RIT2: variants seen among roughly 807,000 people sequenced by gnomAD.
RIT2 encodes GTP-binding protein Rit2.
A neutral mutation model predicts 23.7 loss-of-function variants in RIT2; 24 were observed. The ratio of observed to expected loss-of-function variants is 1.01; its 90% CI spans 0.73 to 1.43. The LOEUF (loss-of-function observed/expected upper bound fraction) is 1.43, where lower values mean the gene tolerates loss of function less well. Ranked by LOEUF, RIT2 falls within the 40% of genes most tolerant of loss-of-function variation. The pLI, the probability that RIT2 is intolerant of heterozygous loss-of-function variation, is 0.00. For synonymous variants in RIT2, 107 were observed against 91.1 expected (o/e 1.17, Z -0.99); for missense variants, 236 against 266.9 (o/e 0.88, Z 0.81).
intron 4 of RIT2, among the ~76,000 whole-genome samples, chr18:42,869,440 G>A (rs1332204646): frequency 6.6e-6 from 1 of 152,202 alleles, no homozygotes; most frequent in African/African-American, 2.4e-5. Flanking sequence ...AGTTGTACAT[G>A]ACAGTATTTC....
intron 4 of RIT2, among the ~76,000 whole-genome samples, chr18:42,898,833 CCTCCAATGTTTT>C (rs1908400427): frequency 6.6e-6 from 1 of 152,066 alleles, no homozygotes; most frequent in African/African-American, 2.4e-5. Context: ...AATTTAGACT[CCTCCAATGTTTT>C]CTTGTAATTA....
intron 4 of RIT2, among the ~76,000 whole-genome samples, chr18:42,878,565 C>CTG (rs71371607): frequency 0.055 from 8,117 of 147,506 alleles, 554 homozygotes; most frequent in East Asian, 0.32. Flanking sequence ...AGATTCAACT[C>CTG]TGTGTGTGTG....
Position 42,743,496 on chromosome 18 carries a change from T to C in RIT2, c.651A>G (p.Thr217=). 6.2e-7 allele frequency: 1 copy of C among 1,606,440 alleles called. No individual in the cohort carries two copies. Among genetic ancestry groups the C allele is most frequent in the Non-Finnish European group, 8.5e-7 (1 of 1,173,478 alleles). ...GAGGAACTCAAAAGCAAAGATATCATGTCATATTTTCTCTCTTCTTCTTCA... is the reference window on the plus strand; with the variant it reads ...GAGGAACTCAAAAGCAAAGATATCACGTCATATTTTCTCTCTTCTTCTTCA... The part of the protein sequence containing the change: ...GSLKKKRENM[T] The change falls in exon 5 of 5, where the codon ACA becomes ACG. Residue 217 remains threonine, a synonymous_variant. Transcript: ENST00000326695.
intron 2 of RIT2, among the ~76,000 whole-genome samples, chr18:42,993,064 C>T (rs1345681851): frequency 6.6e-6 from 1 of 152,190 alleles, no homozygotes; most frequent in Non-Finnish European, 1.5e-5. Context: ...ACCCCAGCCA[C>T]ATCTCCAGCA....
intron 1 of RIT2, among the ~76,000 whole-genome samples, chr18:43,108,727 C>T (rs565018254): frequency 2.2e-4 from 34 of 152,114 alleles, no homozygotes; most frequent in Admixed American, 3.9e-4. Context: ...TGAGTAGATA[C>T]CAATTTACTC....
At chr18:43,012,219 G>T (rs922821476) in intron 2 of RIT2, among the ~76,000 whole-genome samples, 1 of 151,792 alleles carries the variant, frequency 6.6e-6, no homozygotes, top group Non-Finnish European at 1.5e-5. Context: ...CTATGCAAAG[G>T]TCAAGACTAT....
chr18:42,840,135 A>G (rs1009703497), intron 4 of RIT2, among the ~76,000 whole-genome samples: 1 of 152,206 alleles, frequency 6.6e-6, no homozygotes, highest in African/African-American at 2.4e-5. Flanking sequence ...GCAGAACTGA[A>G]TCTTTTGCTT....
At chr18:43,000,423 T>C (rs1478206709) in intron 2 of RIT2, among the ~76,000 whole-genome samples, 1 of 152,058 alleles carries the variant, frequency 6.6e-6, no homozygotes, top group African/African-American at 2.4e-5. Flanking sequence ...TCAAGGGAGA[T>C]CGATACAATT....
At chr18:42,885,889 T>C (rs988865774) in intron 4 of RIT2, among the ~76,000 whole-genome samples, 1 of 152,200 alleles carries the variant, frequency 6.6e-6, no homozygotes, top group Non-Finnish European at 1.5e-5. Context: ...TTCGCAGATC[T>C]CCAAGGGCCT....
chr18:43,107,525 G>A (rs1341178731), intron 1 of RIT2, among the ~76,000 whole-genome samples: 3 of 152,128 alleles, frequency 2.0e-5, no homozygotes, highest in East Asian at 3.9e-4. Context: ...AAGCAAATCA[G>A]CACCTAATTT....
In RIT2 at chr18:42,923,588, A is replaced by C; in HGVS notation, c.410T>G (p.Leu137Arg). The C allele has an allele frequency of 6.2e-7, 1 of 1,613,372 alleles. No individual in the cohort carries two copies. Among genetic ancestry groups the C allele is most frequent in the Non-Finnish European group, 8.5e-7 (1 of 1,179,526 alleles). Residue 137 changes from leucine to arginine, a missense_variant, in exon 4 of 5, where the codon CTG becomes CGG. By Grantham distance (102) the Leu-to-Arg change is moderately radical. Coordinates refer to ENST00000326695, the MANE Select transcript of RIT2 (RefSeq NM_002930.4). ...GGCACTCACCTGGCGGAACTGTTCC[A>C]GATCAATTTTGTTACCCACCAGCAC... ...PLVLVGNKID[L>R]EQFRQVSTEE... is the part of the protein sequence containing the mutation.
chr18:42,800,601 C>T (rs993836720), intron 4 of RIT2, among the ~76,000 whole-genome samples: 2 of 149,480 alleles, frequency 1.3e-5, no homozygotes, highest in Non-Finnish European at 1.5e-5. Flanking sequence ...CGCCATCTGG[C>T]TCACTGCAAG....
At chr18:43,096,155 T>C (rs1164193264) in intron 1 of RIT2, among the ~76,000 whole-genome samples, 1 of 151,936 alleles carries the variant, frequency 6.6e-6, no homozygotes, top group Admixed American at 6.6e-5. Flanking sequence ...TGTAAACAAG[T>C]ATTTCCTGAG....
intron 1 of RIT2, among the ~76,000 whole-genome samples, chr18:43,057,536 C>T (rs911503215): frequency 2.0e-5 from 3 of 152,112 alleles, no homozygotes; most frequent in African/African-American, 7.2e-5. Flanking sequence ...CACAAACGAA[C>T]TAGGAATATT....
chr18:43,073,777 C>A (rs1283678922), intron 1 of RIT2, among the ~76,000 whole-genome samples: 3 of 152,038 alleles, frequency 2.0e-5, no homozygotes, highest in Admixed American at 6.5e-5. Flanking sequence ...TTTCCACTAA[C>A]CATAAAACAT....
intron 4 of RIT2, among the ~76,000 whole-genome samples, chr18:42,792,164 A>G (rs1472296205): frequency 6.6e-6 from 1 of 152,054 alleles, no homozygotes; most frequent in Non-Finnish European, 1.5e-5. Flanking sequence ...ATACAAAAAA[A>G]CTCATCTATG....
intron 3 of RIT2, among the ~76,000 whole-genome samples, chr18:42,936,783 G>A (rs935353985): frequency 6.6e-6 from 1 of 152,044 alleles, no homozygotes; most frequent in African/African-American, 2.4e-5. Context: ...AGGCTGAGGC[G>A]GGTGGATCAC....
intron 4 of RIT2, among the ~76,000 whole-genome samples, chr18:42,861,904 A>G (rs1907337535): frequency 6.6e-6 from 1 of 152,158 alleles, no homozygotes; most frequent in South Asian, 2.1e-4. Context: ...ATTTCCAAGC[A>G]TACTATTTTG....
rs1913162150 is a variant in RIT2, at chr18:42,756,318, A to T, written c.427-12598T>A. 1.3e-5 allele frequency among the ~76,000 whole-genome samples: 2 copies of T among 152,120 alleles called. 1 individual carries two copies. Among genetic ancestry groups the T allele is most frequent in the African/African-American group, 4.8e-5 (2 of 41,412 alleles). On this transcript the variant is annotated intron_variant, in intron 4 of 4. Transcript: ENST00000326695. The stretch of plus-strand genomic sequence containing the variant: ...GAGAAAAGTAGGACATAATAAATTA[A>T]ATGGTGTAGCCAGTCGTTCTGAGAC...
Sources: allele counts gnomAD v4.1 joint callset (sites outside exome capture counted in the v4.1 genomes callset), GRCh38; gene constraint gnomAD v4.1.1; transcripts MANE v1.5; gene names NCBI Gene and HGNC (gene_info 2026-07-23, HGNC 2026-07-21).